The following ARHGAP22 variants were observed in gnomAD, a reference collection of about 807,000 sequenced individuals.
ARHGAP22 encodes Rho GTPase activating protein 22.
A neutral mutation model predicts 59.1 loss-of-function variants in ARHGAP22; 48 were observed. The ratio of observed to expected loss-of-function variants is 0.81; its 90% CI spans 0.64 to 1.03. The LOEUF (loss-of-function observed/expected upper bound fraction) is 1.03, where lower values mean the gene tolerates loss of function less well. ARHGAP22 is among the 50% of genes least tolerant of loss of function. ARHGAP22 has a pLI of 0.00. For missense variants in ARHGAP22, 1,015 were observed against 958.7 expected, an observed-to-expected ratio of 1.06 and a Z score of -0.78; for synonymous variants, 445 against 416.4, an observed-to-expected ratio of 1.07 and a Z score of -0.84.
chr10:48,435,192 A>G, the ARHGAP22 span: 2 of 528,366 alleles, frequency 3.8e-6, no homozygotes, highest in East Asian at 6.3e-5. Flanking sequence ...AAGTGATGTA[A>G]TTTAAAACCT....
At chr10:48,522,781 G>A (rs576191606) in intron 3 of ARHGAP22, among the ~76,000 whole-genome samples, 1 of 152,306 alleles carries the variant, frequency 6.6e-6, no homozygotes, top group South Asian at 2.1e-4. Context: ...AGAAGCTGAG[G>A]AAACTGTTGC....
intron 3 of ARHGAP22, among the ~76,000 whole-genome samples, chr10:48,553,371 G>T (rs1239633522): frequency 6.6e-6 from 1 of 152,246 alleles, no homozygotes; most frequent in Non-Finnish European, 1.5e-5. Context: ...AGACAAAGGA[G>T]TTCAGGAACT....
intron 3 of ARHGAP22, among the ~76,000 whole-genome samples, chr10:48,486,679 T>C (rs2049895125): frequency 6.6e-6 from 1 of 152,246 alleles, no homozygotes; most frequent in Admixed American, 6.5e-5. Flanking sequence ...ACCCATGTAG[T>C]TACCACAGTG....
At chr10:48,563,595 G>A (rs2057853327) in intron 2 of ARHGAP22, among the ~76,000 whole-genome samples, 1 of 152,090 alleles carries the variant, frequency 6.6e-6, no homozygotes. Flanking sequence ...CATGTTCCAG[G>A]GATTAGGACA....
At chr10:48,609,452 C>T (rs1344433577), upstream of ARHGAP22, among the ~76,000 whole-genome samples, 3 of 152,148 alleles carry the variant, frequency 2.0e-5, no homozygotes, top group African/African-American at 7.2e-5. Context: ...TTGGAATTCC[C>T]ATGTAGAATA....
intron 3 of ARHGAP22, among the ~76,000 whole-genome samples, chr10:48,526,932 A>T (rs1338729469): frequency 6.6e-6 from 1 of 152,214 alleles, no homozygotes; most frequent in Non-Finnish European, 1.5e-5. Flanking sequence ...TCCTAATTAC[A>T]CATTGTCTTT....
chr10:48,518,778 C>T (rs1409245670), intron 3 of ARHGAP22, among the ~76,000 whole-genome samples: 2 of 152,166 alleles, frequency 1.3e-5, no homozygotes, highest in Non-Finnish European at 2.9e-5. Context: ...TGTGGGAGGC[C>T]TTGTTGGGAG....
At chr10:48,553,480 A>G (rs1354700428) in intron 3 of ARHGAP22, among the ~76,000 whole-genome samples, 2 of 152,180 alleles carry the variant, frequency 1.3e-5, no homozygotes, top group Non-Finnish European at 2.9e-5. Flanking sequence ...GGGCAAGGTA[A>G]GTGTGTAGCC....
In ARHGAP22 at chr10:48,450,406, C is replaced by T. The variant is rs1325018689; in HGVS notation, c.1723G>A (p.Ala575Thr). The change falls in exon 9 of 10, where the codon GCG (alanine) becomes ACG (threonine). Residue 575 changes from alanine (A) to threonine (T), a missense_variant. Coordinates refer to ENST00000249601, the MANE Select transcript of ARHGAP22 (RefSeq NM_021226.4). ...DLDHSMDEAG[A>T]GASNSEPSEP... ...CTGGGCTCGCTGTTGCTGGCACCCGCGCCCGCCTCGTCCATGCTGTGGTCC... is the reference window on the plus strand; with the variant it reads ...CTGGGCTCGCTGTTGCTGGCACCCGTGCCCGCCTCGTCCATGCTGTGGTCC... 3.2e-6 allele frequency: 5 copies of T among 1,567,404 alleles called. No homozygotes were observed. Among genetic ancestry groups the T allele is most frequent in the Middle Eastern group, 1.7e-4 (1 of 5,826 alleles).
chr10:48,582,080 C>G (rs2135620573), intron 2 of ARHGAP22, among the ~76,000 whole-genome samples: 1 of 152,336 alleles, frequency 6.6e-6, no homozygotes, highest in East Asian at 1.9e-4. Flanking sequence ...TCCCCCTTCA[C>G]CCCTTGCCCA....
intron 3 of ARHGAP22, among the ~76,000 whole-genome samples, chr10:48,499,162 G>A (rs1479752235): frequency 6.6e-6 from 1 of 152,244 alleles, no homozygotes; most frequent in East Asian, 1.9e-4. Context: ...AGCCCGGGGG[G>A]CTGCCTCCCT....
chr10:48,516,506 T>C (rs2053304671), intron 3 of ARHGAP22, among the ~76,000 whole-genome samples: 1 of 151,418 alleles, frequency 6.6e-6, no homozygotes, highest in African/African-American at 2.4e-5. Flanking sequence ...CCAGCCTGGA[T>C]GACAGAGCAA....
intron 3 of ARHGAP22, among the ~76,000 whole-genome samples, chr10:48,490,424 G>A (rs2050271254): frequency 6.6e-6 from 1 of 152,120 alleles, no homozygotes; most frequent in Middle Eastern, 3.2e-3. Flanking sequence ...ACAGCCAACA[G>A]TGTCTCCATA....
chr10:48,544,224 C>G (rs2056229214), intron 3 of ARHGAP22, among the ~76,000 whole-genome samples: 1 of 152,104 alleles, frequency 6.6e-6, no homozygotes, highest in Admixed American at 6.5e-5. Flanking sequence ...GCCAAGTAGG[C>G]AGTTTCCCTT....
At position 48,479,756 on chromosome 10, in the gene ARHGAP22, C is replaced by T. The variant is rs201086362; in HGVS notation, c.331G>A (p.Gly111Arg). The T allele has an allele frequency of 2.5e-5, 39 of 1,590,098 alleles. No homozygotes were observed. The highest frequency in any genetic ancestry group is 4.6e-5 in the South Asian group (4 of 87,590). Reference sequence around the variant, plus strand: ...TTGGCCGGCACCTTCTCCCGCTCCCCGGCACCACCTGCAAGACAGGGAGAC... The same window carrying T: ...TTGGCCGGCACCTTCTCCCGCTCCCTGGCACCACCTGCAAGACAGGGAGAC... ...HLFEISPGGA[G>R]EREKVPANPE... Residue 111 changes from glycine to arginine, a missense_variant, in exon 4 of 10, where the codon GGG becomes AGG. Coordinates refer to ENST00000249601, the MANE Select transcript of ARHGAP22 (RefSeq NM_021226.4).
intron 2 of ARHGAP22, among the ~76,000 whole-genome samples, chr10:48,567,484 C>A (rs1237373913): frequency 6.6e-6 from 1 of 152,162 alleles, no homozygotes; most frequent in Admixed American, 6.5e-5. Context: ...GAATGCTTAC[C>A]CAGGGGAGCT....
chr10:48,437,788 C>T, the ARHGAP22 span: 1 of 152,220 alleles, frequency 6.6e-6, no homozygotes, highest in Non-Finnish European at 1.5e-5. Flanking sequence ...GAAACACCAG[C>T]CTCTTAAATC....
chr10:48,528,809 T>TC (rs2054565200), intron 3 of ARHGAP22, among the ~76,000 whole-genome samples: 1 of 152,052 alleles, frequency 6.6e-6, no homozygotes, highest in South Asian at 2.1e-4. Flanking sequence ...TCTCCTCCTT[T>TC]TTCTCTCTCT....
At chr10:48,439,990 C>A in the ARHGAP22 span, among the ~76,000 whole-genome samples, 4 of 152,210 alleles carry the variant, frequency 2.6e-5, no homozygotes, top group Admixed American at 6.5e-5. Flanking sequence ...GTTTCATCAC[C>A]GTCATAGAGA....
Sources: gnomAD v4.1 joint callset for allele counts (sites outside exome capture counted in the v4.1 genomes callset) on GRCh38, gnomAD v4.1.1 for gene constraint, MANE v1.5 for transcripts, NCBI Gene and HGNC (gene_info 2026-07-23, HGNC 2026-07-21) for gene names.